LTK: variants seen among roughly 807,000 people sequenced by gnomAD.
LTK encodes the protein leukocyte tyrosine kinase receptor.
In LTK, 117 loss-of-function variants were observed where a neutral mutation model predicts 101.5. The observed-to-expected ratio is 1.15, with a 90% CI of 0.99 to 1.34. LTK has a LOEUF of 1.34. Among genes scored for constraint, LTK ranks in the 40% most tolerant of loss-of-function variants. The probability of loss-of-function intolerance (pLI) is 0.00; values close to 1 mark genes in which losing one functional copy is unlikely to be tolerated. For synonymous variants in LTK, 563 were observed against 494.2 expected (o/e 1.14, Z -1.85); for missense variants, 1,252 against 1,164.7 (o/e 1.07, Z -1.09).
rs1222235550 is a variant in LTK at position 41,511,181 on chromosome 15, C to T, written c.980G>A (p.Gly327Asp). 2.1e-6 allele frequency: 3 copies of T among 1,407,054 alleles called. No homozygotes were observed. Among genetic ancestry groups the T allele is most frequent in the Non-Finnish European group, 2.8e-6 (3 of 1,089,334 alleles). The allele number at this position is 1,407,054 out of a possible 1,614,324, so 87.2% of individuals were successfully genotyped here. ...GGGGACTAGG[G>D]GGGYRGGDAS... The stretch of plus-strand genomic sequence containing the variant: ...GCACCTACCCCTGTAGCCGCCGCCG[C>T]CTCCGCCCGCAGTGCAGGCCCCGCC... Residue 327 changes from glycine to aspartate, a missense_variant, in exon 7 of 20, where the codon GGC (glycine) becomes GAC (aspartate). Coordinates refer to ENST00000263800, the MANE Select transcript of LTK (RefSeq NM_002344.6). This position sits in a 1 kb window ranked among gnomAD's most constrained non-coding sequence, Gnocchi z 5.9.
At position 41,513,697 on chromosome 15, in the gene LTK, C is replaced by T. The variant is rs775385051; in HGVS notation, c.13G>A (p.Gly5Arg). The T allele has an allele frequency of 2.5e-6, 4 of 1,611,690 alleles. No homozygotes were observed. The highest frequency in any genetic ancestry group is 4.5e-5 in the East Asian group (2 of 44,758). ...GCTCCGAACCACACCAGCAGCTGTC[C>T]CCAGCAGCCCATCCCTGTTGGGTCC... Reference protein sequence around the residue: MGCWGQLLVWFGAAG... With the variant: MGCWRQLLVWFGAAG... Residue 5 changes from glycine (G) to arginine (R), a missense_variant, in exon 1 of 20, where the codon GGA becomes AGA. Transcript: ENST00000263800.
At chr15:41,505,668 C>T in intron 13 of LTK, 45 bp downstream of exon 13, 1 of 1,611,098 alleles carries the variant, frequency 6.2e-7, no homozygotes, top group Non-Finnish European at 8.5e-7. Context: ...TGTTCCCGGG[C>T]ATTCCCCTCC....
intron 15 of LTK, 25 bp from the exon 16 acceptor site, chr15:41,505,089 C>T (rs2051220093): frequency 1.3e-6 from 2 of 1,597,146 alleles, no homozygotes; most frequent in Non-Finnish European, 1.7e-6. Flanking sequence ...AAAAAAATCA[C>T]TGCCAGAATC....
intron 9 of LTK, 32 bp downstream of exon 9, chr15:41,508,037 G>C: frequency 6.4e-7 from 1 of 1,553,774 alleles, no homozygotes; most frequent in Non-Finnish European, 8.7e-7. Context: ...GTGACCCCAG[G>C]AGTCCAGACC....
chr15:41,513,790 G>T lies in LTK; in HGVS notation c.-81C>A. 7.9e-7 allele frequency: 1 copy of T among 1,265,912 alleles called. No individual in the cohort carries two copies. The highest frequency in any genetic ancestry group is 1.2e-6 in the Non-Finnish European group (1 of 864,442). The allele number at this position is 1,265,912 out of a possible 1,614,324, so 78.4% of individuals were successfully genotyped here. A position where few individuals can be genotyped will look rare whatever the true frequency, so the allele number is the denominator to read the frequency against. On this transcript the variant is annotated 5_prime_UTR_variant, in exon 1 of 20. Transcript: ENST00000263800. The stretch of plus-strand genomic sequence containing the variant: ...CAACCTAAAGTTGACAGCTCATTTT[G>T]CCACGGCAGCCCTGGCCACCACTTA...
chr15:41,509,131 T>G lies in LTK; in HGVS notation c.998-2A>C. ...TGTCAGTCTCTGAAGCGTCGCCCCCTGGAAGTGGAGAGTGATGGAGAGTTT... is the reference window on the plus strand; with the variant it reads ...TGTCAGTCTCTGAAGCGTCGCCCCCGGGAAGTGGAGAGTGATGGAGAGTTT... On this transcript the variant is annotated splice_acceptor_variant, in intron 7 of 19. Coordinates refer to ENST00000263800, the MANE Select transcript of LTK (RefSeq NM_002344.6). LOFTEE classifies it high-confidence loss of function. The G allele has an allele frequency of 6.3e-7, 1 of 1,594,688 alleles. No individual in the cohort carries two copies. Among genetic ancestry groups the G allele is most frequent in the Non-Finnish European group, 8.6e-7 (1 of 1,162,432 alleles).
At position 41,503,779 on chromosome 15, in the gene LTK, C is replaced by T; in HGVS notation, c.*217G>A. 3 of 632,126 alleles carry T rather than the reference C, an allele frequency of 4.7e-6. No individual in the cohort carries two copies. The South Asian group carries it at 5.5e-5, about 12-fold the overall frequency. The allele number at this position is 632,126 out of a possible 1,614,324, so 39.2% of individuals were successfully genotyped here. The stretch of plus-strand genomic sequence containing the variant: ...GTAAGGCGGCCTCTGGCCCCAAGAT[C>T]AAAAGCTGGAAGTGGCTGGGCCCTT... On this transcript the variant is annotated 3_prime_UTR_variant, in exon 20 of 20. Transcript: ENST00000263800.
At chr15:41,509,743 C>T (rs2051394511) in intron 7 of LTK, among the ~76,000 whole-genome samples, 1 of 151,856 alleles carries the variant, frequency 6.6e-6, no homozygotes, top group African/African-American at 2.4e-5. Flanking sequence ...CCTATAATCC[C>T]AGCTACTCAG....
chr15:41,511,124 C>A lies in LTK; in HGVS notation c.997+40G>T. ...ACTTAGGTTCTAACATCACCTCACC[C>A]TCGGGCCTGCTCAGCTGCCCTCTCC... On this transcript the variant is annotated intron_variant, in intron 7 of 19. Transcript: ENST00000263800. The surrounding 1 kb of genome is among the most constrained non-coding windows in gnomAD (Gnocchi z 5.9). 7.3e-7 allele frequency: 1 copy of A among 1,369,604 alleles called. No individual in the cohort carries two copies. Among genetic ancestry groups the A allele is most frequent in the Non-Finnish European group, 9.4e-7 (1 of 1,066,290 alleles). The allele number at this position is 1,369,604 out of a possible 1,614,324, so 84.8% of individuals were successfully genotyped here.
At position 41,504,507 on chromosome 15, in the gene LTK, C is replaced by T. The variant is rs1337307035; in HGVS notation, c.2254G>A (p.Val752Met). 3 of 1,613,020 alleles carry T rather than the reference C, an allele frequency of 1.9e-6. No homozygotes were observed. Among genetic ancestry groups the T allele is most frequent in the Non-Finnish European group, 8.5e-7 (1 of 1,179,476 alleles). ...MDPPRGCPGP[V>M]YRIMTQCWQH... ...CTTCCCGGGCAGCACTCAACTCACA[C>T]AGGCCCTGGGCAGCCCCTAGGAGGG... Residue 752 changes from valine to methionine, a missense_variant and splice_region_variant, in exon 18 of 20, where the codon GTG becomes ATG. Coordinates refer to ENST00000263800, the MANE Select transcript of LTK (RefSeq NM_002344.6).
Position 41,509,660 on chromosome 15 carries a change from A to C in LTK, c.998-531T>G, listed in dbSNP as rs190392146. On this transcript the variant is annotated intron_variant, in intron 7 of 19. Transcript: ENST00000263800. ...CGGATTACGAGGTCAGGAGTCCGAG[A>C]CTAGCCTGACCAACATGGTGAAACC... 4.5e-3 allele frequency among the ~76,000 whole-genome samples: 679 copies of C among 152,264 alleles called. 3 individuals carry two copies. Among genetic ancestry groups the C allele is most frequent in the Middle Eastern group, 0.02 (6 of 294 alleles).
In LTK at chr15:41,504,502, T is replaced by C. The variant is rs752641857; in HGVS notation, c.2255+4A>G. The C allele has an allele frequency of 2.0e-5, 32 of 1,613,020 alleles. No homozygotes were observed. The South Asian group carries it at 3.5e-4, about 18-fold the overall frequency. ...CCTCCCTTCCCGGGCAGCACTCAAC[T>C]CACACAGGCCCTGGGCAGCCCCTAG... On this transcript the variant is annotated splice_donor_region_variant and intron_variant, in intron 18 of 19. Coordinates refer to ENST00000263800, the MANE Select transcript of LTK (RefSeq NM_002344.6).
chr15:41,505,944 C>T lies in LTK; in HGVS notation c.1603G>A (p.Asp535Asn), dbSNP rs35932273. Residue 535 changes from aspartate (D) to asparagine (N), a missense_variant, in exon 12 of 20, where the codon GAC becomes AAC. Transcript: ENST00000263800. Reference protein sequence around the residue: ...YEGLVIGLPGDSSPLQVAIKT... With the variant: ...YEGLVIGLPGNSSPLQVAIKT... ...ATAGCTACCTGCAGGGGACTGGAGT[C>T]CCCAGGAAGGCCAATTACCAGTCCC... 41,368 of 1,613,806 alleles carry T rather than the reference C, an allele frequency of 0.026. 647 individuals carry two copies. The highest frequency in any genetic ancestry group is 0.034 in the South Asian group (3,080 of 91,056).
rs1566862621 is a variant in LTK at position 41,504,780 on chromosome 15, CTG to C, written c.2111_2112del (p.Thr704ArgfsTer42). On this transcript the variant is annotated frameshift_variant, in exon 17 of 20. Transcript: ENST00000263800. LOFTEE classifies it high-confidence loss of function. ...AFLEGIFTSKTDSWSFGVLLW... is the reference protein window; with the variant it reads ...AFLEGIFTSKXDSWSFGVLLW... ...GGGGAAGGGTGTTATCACCAGGAAT[CTG>C]TCTTGGATGTGAAGATGCCCTCCAG... 6.2e-7 allele frequency: 1 copy of C among 1,604,808 alleles called. No homozygotes were observed. Among genetic ancestry groups the C allele is most frequent in the African/African-American group, 1.3e-5 (1 of 74,146 alleles).
chr15:41,504,774 A>G lies in LTK; in HGVS notation c.2119T>C (p.Trp707Arg), dbSNP rs765269626. 3 of 1,583,366 alleles carry G rather than the reference A, an allele frequency of 1.9e-6. No homozygotes were observed. Among genetic ancestry groups the G allele is most frequent in the Non-Finnish European group, 2.6e-6 (3 of 1,157,406 alleles). Residue 707 changes from tryptophan to arginine, a missense_variant and splice_region_variant, in exon 17 of 20, where the codon TGG (tryptophan) becomes CGG (arginine). Coordinates refer to ENST00000263800, the MANE Select transcript of LTK (RefSeq NM_002344.6). ...AGGGGAGGGGAAGGGTGTTATCACC[A>G]GGAATCTGTCTTGGATGTGAAGATG... is the stretch of plus-strand genomic sequence containing the variant. ...EGIFTSKTDS[W>R]SFGVLLWEIF...
rs2051307190 is a variant in LTK at position 41,507,036 on chromosome 15, G to C, written c.1541+59C>G. The C allele has an allele frequency of 3.5e-5, 52 of 1,495,014 alleles. 2 individuals are homozygous for C. The South Asian group carries it at 6.0e-4, about 17-fold the overall frequency. The allele number at this position is 1,495,014 out of a possible 1,614,324, so 92.6% of individuals were successfully genotyped here. On this transcript the variant is annotated intron_variant, in intron 11 of 19. Coordinates refer to ENST00000263800, the MANE Select transcript of LTK (RefSeq NM_002344.6). ...GACTTATAATTCACTACAGCAGGGA[G>C]AGAATCAGAGGTGGGGATTCAGAGT...
At position 41,505,287 on chromosome 15, in the gene LTK, C is replaced by T; in HGVS notation, c.1846G>A (p.Val616Ile). ...GCCAGTTGCAGCAGGTCCCGCATGA[C>T]CAGAGGTGATGGCTGGCCCTGGGTC... is the stretch of plus-strand genomic sequence containing the variant. ...RPHLGQPSPL[V>I]MRDLLQLAQD... Residue 616 changes from valine to isoleucine, a missense_variant, in exon 15 of 20, where the codon GTC (valine) becomes ATC (isoleucine). Transcript: ENST00000263800. 6.2e-7 allele frequency: 1 copy of T among 1,614,014 alleles called. No homozygotes were observed. The highest frequency in any genetic ancestry group is 1.1e-5 in the South Asian group (1 of 91,066).
At chr15:41,508,448 C>T (rs1354035591) in intron 8 of LTK, among the ~76,000 whole-genome samples, 1 of 83,508 alleles carries the variant, frequency 1.2e-5, no homozygotes, top group Non-Finnish European at 2.2e-5. Context: ...ATCCCAGCTA[C>T]TCCAGCACTG....
At chr15:41,513,587 C>T in intron 1 of LTK, 80 bp downstream of exon 1, 1 of 1,309,402 alleles carries the variant, frequency 7.6e-7, no homozygotes, top group Non-Finnish European at 1.1e-6. Flanking sequence ...CCACTGACAC[C>T]TGGCCTGTTG....
Sources: gnomAD v4.1 joint callset for allele counts (sites outside exome capture counted in the v4.1 genomes callset) on GRCh38, gnomAD v4.1.1 for gene constraint, Gnocchi (gnomAD v3.1) non-coding constraint, MANE v1.5 for transcripts, NCBI Gene and HGNC (gene_info 2026-07-23, HGNC 2026-07-21) for gene names.